Variants in RAB38 observed in about 807,000 individuals in gnomAD.
RAB38 encodes the protein ras-related protein Rab-38.
RAB38 carries 15 observed loss-of-function variants against 18.4 expected under a neutral mutation model. The observed-to-expected ratio is 0.82, with a 90% confidence interval of 0.55 to 1.26. RAB38 has a LOEUF of 1.26. Ranked by LOEUF, RAB38 falls within the 50% of genes most tolerant of loss-of-function variation. RAB38 has a pLI of 0.00. For synonymous variants in RAB38, 101 were observed against 104.4 expected (o/e 0.97, Z 0.20); for missense variants, 294 against 267.4 (o/e 1.10, Z -0.69).
the RAB38 span, among the ~76,000 whole-genome samples, chr11:88,106,851 G>A: frequency 3.3e-5 from 5 of 152,072 alleles, no homozygotes; most frequent in Non-Finnish European, 7.4e-5. Context: ...GGAATTCCAA[G>A]AAGCCAATGT....
At chr11:87,951,183 C>T in the RAB38 span, among the ~76,000 whole-genome samples, 1 of 152,260 alleles carries the variant, frequency 6.6e-6, no homozygotes, top group East Asian at 1.9e-4. Flanking sequence ...CGCATCGGCT[C>T]CTGAGGCTTC....
chr11:87,868,320 G>GCACGT, the RAB38 span, among the ~76,000 whole-genome samples: 2 of 151,564 alleles, frequency 1.3e-5, no homozygotes, highest in African/African-American at 4.8e-5. Flanking sequence ...TGTGATCTGT[G>GCACGT]CACGTCAGCT....
the RAB38 span, among the ~76,000 whole-genome samples, chr11:88,014,072 C>A: frequency 6.6e-6 from 1 of 152,132 alleles, no homozygotes; most frequent in African/African-American, 2.4e-5. Context: ...ATCTCCTCTT[C>A]CCCTCTTGCT....
At chr11:88,004,316 T>C in the RAB38 span, among the ~76,000 whole-genome samples, 473 of 151,146 alleles carry the variant, frequency 3.1e-3, 4 homozygotes, top group African/African-American at 0.011. Flanking sequence ...GTCCTACGAA[T>C]GCAAGTTTGA....
intron 2 of RAB38, among the ~76,000 whole-genome samples, chr11:88,131,090 T>C (rs117521035): frequency 0.016 from 2,493 of 152,238 alleles, 84 homozygotes; most frequent in Non-Finnish European, 0.013. Context: ...ATTACATTAT[T>C]TAAAATAGTA....
At chr11:87,866,904 A>G in the RAB38 span, among the ~76,000 whole-genome samples, 1 of 151,788 alleles carries the variant, frequency 6.6e-6, no homozygotes. Flanking sequence ...GTTGGAGGCT[A>G]TGTTTTACCA....
At chr11:88,095,967 T>C in the RAB38 span, among the ~76,000 whole-genome samples, 1 of 151,920 alleles carries the variant, frequency 6.6e-6, no homozygotes, top group South Asian at 2.1e-4. Flanking sequence ...GGCAGCATCA[T>C]CGTGTGCTTG....
the RAB38 span, among the ~76,000 whole-genome samples, chr11:87,843,719 T>A: frequency 6.6e-6 from 1 of 152,196 alleles, no homozygotes; most frequent in Non-Finnish European, 1.5e-5. Flanking sequence ...AAGGCTGTTG[T>A]GAGGATTAAA....
chr11:87,862,827 T>C, the RAB38 span, among the ~76,000 whole-genome samples: 1 of 151,840 alleles, frequency 6.6e-6, no homozygotes, highest in African/African-American at 2.4e-5. Flanking sequence ...CTTACAAAAG[T>C]GTCTTGAACT....
At chr11:88,022,043 C>A in the RAB38 span, among the ~76,000 whole-genome samples, 1 of 151,352 alleles carries the variant, frequency 6.6e-6, no homozygotes, top group Non-Finnish European at 1.5e-5. Context: ...AAAGACACAT[C>A]AAAAAAAGAA....
chr11:87,925,582 G>GAACTGATTATTTCAAATGGA, the RAB38 span, among the ~76,000 whole-genome samples: 2 of 152,024 alleles, frequency 1.3e-5, no homozygotes, highest in African/African-American at 4.8e-5. Context: ...ATTCAGGGAA[G>GAACTGATTATTTCAAATGGA]AACTGATTAT....
At chr11:87,864,490 CAGAA>C in the RAB38 span, among the ~76,000 whole-genome samples, 1 of 151,548 alleles carries the variant, frequency 6.6e-6, no homozygotes, top group Admixed American at 6.6e-5. Context: ...ACTATCTTGT[CAGAA>C]AGCCTCAAAC....
At chr11:88,151,954 AT>A (rs367630281) in intron 1 of RAB38, among the ~76,000 whole-genome samples, 6 of 152,192 alleles carry the variant, frequency 3.9e-5, no homozygotes, top group Non-Finnish European at 7.3e-5. Flanking sequence ...CCAGAGACGC[AT>A]TTTTTTATCC....
At chr11:87,817,487 T>G in the RAB38 span, 102 of 152,302 alleles carry the variant, frequency 6.7e-4, no homozygotes, top group African/African-American at 2.3e-3. Flanking sequence ...CTTAATTTTT[T>G]TGTCTTGAAA....
At chr11:88,057,511 G>C in the RAB38 span, among the ~76,000 whole-genome samples, 1 of 152,078 alleles carries the variant, frequency 6.6e-6, no homozygotes, top group East Asian at 1.9e-4. Flanking sequence ...AAGTTGCCGT[G>C]ATTCAATTAG....
chr11:87,937,381 GTATAT>G, the RAB38 span, among the ~76,000 whole-genome samples: 2 of 133,624 alleles, frequency 1.5e-5, no homozygotes, highest in African/African-American at 2.8e-5. Context: ...ATTTTGTTAA[GTATAT>G]TATGAGGATA....
chr11:87,938,745 G>C, the RAB38 span, among the ~76,000 whole-genome samples: 35 of 150,380 alleles, frequency 2.3e-4, no homozygotes, highest in Non-Finnish European at 3.0e-4. Context: ...CAGATTGATG[G>C]GTTCTTCAAC....
intron 1 of RAB38, among the ~76,000 whole-genome samples, chr11:88,151,451 T>C (rs1024316900): frequency 6.6e-6 from 1 of 152,220 alleles, no homozygotes; most frequent in African/African-American, 2.4e-5. Flanking sequence ...CAGGAGCTAA[T>C]GAAGACTTGT....
the RAB38 span, among the ~76,000 whole-genome samples, chr11:88,051,753 C>CA: frequency 4.6e-5 from 7 of 151,966 alleles, no homozygotes; most frequent in African/African-American, 1.7e-4. Flanking sequence ...CCTTTTGAAA[C>CA]AAAAAATAGA....
Sources: allele counts gnomAD v4.1 joint callset (sites outside exome capture counted in the v4.1 genomes callset), GRCh38; gene constraint gnomAD v4.1.1; transcripts MANE v1.5; gene names NCBI Gene and HGNC (gene_info 2026-07-23, HGNC 2026-07-21).